The following LRMDA variants were observed in gnomAD, a reference collection of about 807,000 sequenced individuals.
LRMDA encodes the protein leucine rich melanocyte differentiation associated, also known as leucine-rich melanocyte differentiation-associated protein.
In LRMDA, 18 loss-of-function variants were observed where a neutral mutation model predicts 29.8. That is an observed-to-expected ratio of 0.60 (90% CI 0.42 to 0.90). The LOEUF (loss-of-function observed/expected upper bound fraction) is 0.90. LRMDA is among the 40% of genes least tolerant of loss of function. The pLI, the probability that LRMDA is intolerant of heterozygous loss-of-function variation, is 0.00. For synonymous variants in LRMDA, 125 were observed against 109.4 expected, an observed-to-expected ratio of 1.14 and a Z score of -0.89; for missense variants, 273 against 273.9, an observed-to-expected ratio of 1.00 and a Z score of 0.02.
chr10:75,546,687 G>T (rs1205653302), intron 2 of LRMDA, among the ~76,000 whole-genome samples: 1 of 152,158 alleles, frequency 6.6e-6, no homozygotes, highest in Non-Finnish European at 1.5e-5. Context: ...TGTAATAATG[G>T]AGTTTCTGCC....
At chr10:75,860,197 A>G (rs2132320910) in intron 2 of LRMDA, among the ~76,000 whole-genome samples, 1 of 151,910 alleles carries the variant, frequency 6.6e-6, no homozygotes, top group African/African-American at 2.4e-5. Flanking sequence ...CTTGTGCAAG[A>G]GGTCACCTTG....
intron 6 of LRMDA, among the ~76,000 whole-genome samples, chr10:76,392,915 C>T (rs1014269611): frequency 5.9e-5 from 9 of 152,108 alleles, no homozygotes; most frequent in African/African-American, 2.2e-4. Flanking sequence ...TTTTAGGATC[C>T]ACATATAAGT....
intron 2 of LRMDA, among the ~76,000 whole-genome samples, chr10:75,963,620 G>A (rs867615599): frequency 6.6e-6 from 1 of 152,174 alleles, no homozygotes; most frequent in Middle Eastern, 3.2e-3. Flanking sequence ...ACCTCCACTT[G>A]TTGACTAACT....
intron 2 of LRMDA, among the ~76,000 whole-genome samples, chr10:75,671,558 T>C (rs1373678115): frequency 1.3e-5 from 2 of 152,222 alleles, no homozygotes; most frequent in East Asian, 3.9e-4. Context: ...ACACCACATG[T>C]TCTCACTCAT....
At chr10:76,491,163 TG>T (rs895414167) in intron 6 of LRMDA, among the ~76,000 whole-genome samples, 1 of 152,036 alleles carries the variant, frequency 6.6e-6, no homozygotes, top group African/African-American at 2.4e-5. Context: ...TTATTATTTT[TG>T]GTTCATTCAT....
At chr10:75,520,480 G>GCTTGTGCCTGCCTCGTGAAGTT (rs1374113779) in intron 2 of LRMDA, among the ~76,000 whole-genome samples, 3 of 152,318 alleles carry the variant, frequency 2.0e-5, no homozygotes, top group South Asian at 2.1e-4. Flanking sequence ...AGCTATTGAA[G>GCTTGTGCCTGCCTCGTGAAGTT]CTTGTGCCTG....
intron 6 of LRMDA, among the ~76,000 whole-genome samples, chr10:76,502,709 G>T (rs1341138129): frequency 6.6e-6 from 1 of 151,210 alleles, no homozygotes; most frequent in Non-Finnish European, 1.5e-5. Context: ...ATTGATCTTT[G>T]CATCCTGAAA....
At chr10:75,798,329 A>G (rs930406498) in intron 2 of LRMDA, among the ~76,000 whole-genome samples, 1 of 152,042 alleles carries the variant, frequency 6.6e-6, no homozygotes, top group Non-Finnish European at 1.5e-5. Context: ...GCAAAGTCCA[A>G]CTTAACCACT....
chr10:75,742,524 A>G (rs569049929), intron 2 of LRMDA, among the ~76,000 whole-genome samples: 3 of 152,194 alleles, frequency 2.0e-5, no homozygotes, highest in Non-Finnish European at 4.4e-5. Context: ...ACTATGAAAA[A>G]TACATGTGTG....
rs570851491 is a variant in LRMDA, at chr10:75,641,595, CTA to C, written c.131+203105_131+203106del. 7.2e-4 allele frequency among the ~76,000 whole-genome samples: 109 copies of C among 152,062 alleles called. 1 individual carries two copies. The South Asian group carries it at 0.016, about 22-fold the overall frequency. On this transcript the variant is annotated intron_variant, in intron 2 of 6. Transcript: ENST00000611255. ...TCAATGCAGCCTCGACCTCCTGAGG[CTA>C]TATTTAAAAAAAATTTTTTTTTTGT...
intron 2 of LRMDA, among the ~76,000 whole-genome samples, chr10:75,784,973 A>C (rs1042402984): frequency 1.3e-5 from 2 of 152,208 alleles, no homozygotes; most frequent in Non-Finnish European, 2.9e-5. Context: ...AAAGGAACAC[A>C]GTCTTCTCTA....
intron 2 of LRMDA, among the ~76,000 whole-genome samples, chr10:75,916,859 G>A (rs1845943433): frequency 6.6e-6 from 1 of 152,134 alleles, no homozygotes; most frequent in African/African-American, 2.4e-5. Context: ...GAGCTGTGCC[G>A]AGAATTCCAT....
chr10:75,736,552 A>C, intron 2 of LRMDA, among the ~76,000 whole-genome samples: 1 of 152,222 alleles, frequency 6.6e-6, no homozygotes, highest in East Asian at 1.9e-4. Flanking sequence ...ATTTTGCTGC[A>C]GTTGTTGTAA....
At chr10:75,821,795 C>CAAAA (rs142834137) in intron 2 of LRMDA, among the ~76,000 whole-genome samples, 10,785 of 150,704 alleles carry the variant, frequency 0.072, 543 homozygotes, top group Non-Finnish European at 0.11. Flanking sequence ...AACAAACAAA[C>CAAAA]AAAAAAAACC....
chr10:75,540,291 G>T (rs1034670498), intron 2 of LRMDA, among the ~76,000 whole-genome samples: 2 of 152,182 alleles, frequency 1.3e-5, no homozygotes, highest in African/African-American at 2.4e-5. Context: ...AAGTGAAAAG[G>T]CCCTGGGGCC....
chr10:75,910,818 C>T (rs1845830067), intron 2 of LRMDA, among the ~76,000 whole-genome samples: 1 of 152,194 alleles, frequency 6.6e-6, no homozygotes, highest in South Asian at 2.1e-4. Flanking sequence ...TCTCATCAAA[C>T]TCAGCCATAG....
intron 5 of LRMDA, among the ~76,000 whole-genome samples, chr10:76,166,017 GA>G (rs1308584140): frequency 1.3e-4 from 20 of 152,180 alleles, no homozygotes; most frequent in Admixed American, 1.1e-3. Flanking sequence ...AGGGAAAGAA[GA>G]AATAATGAAG....
At chr10:75,517,394 T>C (rs1845303440) in intron 2 of LRMDA, among the ~76,000 whole-genome samples, 2 of 152,180 alleles carry the variant, frequency 1.3e-5, no homozygotes, top group Admixed American at 1.3e-4. Context: ...GGTTTGTAGT[T>C]CTGCTTGAAG....
chr10:75,732,892 G>C (rs1564552437), intron 2 of LRMDA, among the ~76,000 whole-genome samples: 6 of 152,168 alleles, frequency 3.9e-5, no homozygotes. Flanking sequence ...AAGCTGAGCT[G>C]AAAAAGATTG....
Sources: gnomAD v4.1 joint callset for allele counts (sites outside exome capture counted in the v4.1 genomes callset) on GRCh38, gnomAD v4.1.1 for gene constraint, MANE v1.5 for transcripts, NCBI Gene and HGNC (gene_info 2026-07-23, HGNC 2026-07-21) for gene names.